RAPGEF4: variants seen among roughly 807,000 people sequenced by gnomAD.
RAPGEF4 encodes Rap guanine nucleotide exchange factor 4.
RAPGEF4 carries 66 observed loss-of-function variants against 147.9 expected under a neutral mutation model. The ratio of observed to expected loss-of-function variants is 0.45; its 90% confidence interval spans 0.37 to 0.55. The LOEUF (loss-of-function observed/expected upper bound fraction) is 0.55. Ranked by LOEUF, RAPGEF4 falls within the 20% of genes least tolerant of loss-of-function variation. The pLI is 0.00. For synonymous variants in RAPGEF4, 419 were observed against 442.7 expected (o/e 0.95, Z 0.67); for missense variants, 1,071 against 1,257.3 (o/e 0.85, Z 2.24).
At chr2:173,005,520 G>GT (rs573596077) in intron 17 of RAPGEF4, among the ~76,000 whole-genome samples, 25,367 of 85,892 alleles carry the variant, frequency 0.3, 5,298 homozygotes, top group East Asian at 0.71. Context: ...GTTGTTTTGT[G>GT]TTTTTTTTTT....
chr2:172,750,614 A>T (rs1438705689), intron 1 of RAPGEF4, among the ~76,000 whole-genome samples: 1 of 152,116 alleles, frequency 6.6e-6, no homozygotes, highest in Non-Finnish European at 1.5e-5. Context: ...CAGTGCACAG[A>T]GGTTCCCTTT....
At chr2:173,006,413 G>GT (rs894143475) in intron 17 of RAPGEF4, among the ~76,000 whole-genome samples, 44 of 152,026 alleles carry the variant, frequency 2.9e-4, no homozygotes, top group African/African-American at 5.5e-4. Context: ...ATTTTGGACA[G>GT]TTTTTTTTGT....
At chr2:172,878,405 T>A (rs974540853) in intron 4 of RAPGEF4, among the ~76,000 whole-genome samples, 1 of 152,206 alleles carries the variant, frequency 6.6e-6, no homozygotes, top group Non-Finnish European at 1.5e-5. Flanking sequence ...CAGTCTTATT[T>A]CTAGGAGAGT....
chr2:173,003,687 G>A (rs1466045838), intron 17 of RAPGEF4, among the ~76,000 whole-genome samples: 1 of 119,108 alleles, frequency 8.4e-6, no homozygotes, highest in African/African-American at 3.2e-5. Flanking sequence ...TCCAAACCTG[G>A]AGTTTGCCTT....
chr2:172,821,305 C>T (rs2149629186), intron 4 of RAPGEF4, among the ~76,000 whole-genome samples: 1 of 152,274 alleles, frequency 6.6e-6, no homozygotes, highest in Non-Finnish European at 1.5e-5. Flanking sequence ...AGCCCCTTGC[C>T]TGCCTGATAA....
intron 4 of RAPGEF4, among the ~76,000 whole-genome samples, chr2:172,832,264 C>T (rs1690443709): frequency 6.6e-6 from 1 of 151,950 alleles, no homozygotes; most frequent in Non-Finnish European, 1.5e-5. Context: ...TAGCATAAAG[C>T]TCATAAAGTA....
At chr2:173,045,135 A>C (rs575778337) in intron 29 of RAPGEF4, among the ~76,000 whole-genome samples, 1 of 152,372 alleles carries the variant, frequency 6.6e-6, no homozygotes, top group South Asian at 2.1e-4. Context: ...CATAGGCTGA[A>C]GTTTGTGGAA....
intron 23 of RAPGEF4, among the ~76,000 whole-genome samples, chr2:173,024,506 C>T (rs991756019): frequency 2.1e-5 from 3 of 140,492 alleles, no homozygotes; most frequent in African/African-American, 4.9e-5. Context: ...CGTGAGCCAC[C>T]GCGCCCGGCC....
At chr2:172,897,526 G>T (rs1698606403) in intron 4 of RAPGEF4, among the ~76,000 whole-genome samples, 1 of 151,966 alleles carries the variant, frequency 6.6e-6, no homozygotes. Context: ...ATCCTCCCAA[G>T]TAGCTAGGAC....
At chr2:172,784,114 T>G (rs2149517642) in intron 1 of RAPGEF4, among the ~76,000 whole-genome samples, 1 of 152,342 alleles carries the variant, frequency 6.6e-6, no homozygotes, top group Middle Eastern at 3.4e-3. Context: ...TACGTATCTC[T>G]GTATCTCTCT....
chr2:172,991,158 A>G (rs184528522), intron 15 of RAPGEF4, among the ~76,000 whole-genome samples: 8 of 152,320 alleles, frequency 5.3e-5, no homozygotes, highest in Admixed American at 3.9e-4. Flanking sequence ...CCTTTACTCT[A>G]AAAACCACTC....
chr2:173,004,061 A>AG (rs1315823291), intron 17 of RAPGEF4, among the ~76,000 whole-genome samples: 2 of 152,226 alleles, frequency 1.3e-5, no homozygotes, highest in South Asian at 2.1e-4. Flanking sequence ...AATAATGAAA[A>AG]CTTATGAATT....
chr2:173,032,960 C>T (rs990757630), intron 26 of RAPGEF4, among the ~76,000 whole-genome samples: 2 of 152,172 alleles, frequency 1.3e-5, no homozygotes, highest in Non-Finnish European at 2.9e-5. Context: ...GGAAACGTAT[C>T]ACACAGCTCT....
intron 5 of RAPGEF4, chr2:172,918,085 T>TGCTCTGGTGCCA (rs111233723): frequency 0.016 from 11,756 of 719,538 alleles, 624 homozygotes; most frequent in South Asian, 0.11. Flanking sequence ...GAGAGAGGTA[T>TGCTCTGGTGCCA]GCTCTGGTGC....
At chr2:172,834,786 A>G (rs1690742904) in intron 4 of RAPGEF4, among the ~76,000 whole-genome samples, 1 of 152,220 alleles carries the variant, frequency 6.6e-6, no homozygotes. Context: ...ATAAAGGGAA[A>G]TCTCTTTTCT....
chr2:172,975,904 T>A (rs995797131), intron 10 of RAPGEF4, among the ~76,000 whole-genome samples: 5 of 152,260 alleles, frequency 3.3e-5, no homozygotes, highest in African/African-American at 1.2e-4. Flanking sequence ...TGAGTGTCCT[T>A]GTAGTAAACA....
At chr2:172,958,357 G>T (rs776436043) in intron 6 of RAPGEF4, among the ~76,000 whole-genome samples, 1 of 152,180 alleles carries the variant, frequency 6.6e-6, no homozygotes, top group Non-Finnish European at 1.5e-5. Flanking sequence ...GAGGTGAGAG[G>T]CTTAAGAACC....
At chr2:172,849,443 G>A (rs1263799388) in intron 4 of RAPGEF4, among the ~76,000 whole-genome samples, 1 of 152,160 alleles carries the variant, frequency 6.6e-6, no homozygotes, top group Non-Finnish European at 1.5e-5. Context: ...TTTTCTCAGG[G>A]ATTGTTTGTA....
At chr2:172,850,806 A>C (rs1395870404) in intron 4 of RAPGEF4, among the ~76,000 whole-genome samples, 1 of 152,170 alleles carries the variant, frequency 6.6e-6, no homozygotes, top group East Asian at 1.9e-4. Flanking sequence ...TTGCTTTAAA[A>C]ATTGAATTAT....
Sources: gnomAD v4.1 joint callset for allele counts (sites outside exome capture counted in the v4.1 genomes callset) on GRCh38, gnomAD v4.1.1 for gene constraint, MANE v1.5 for transcripts, NCBI Gene and HGNC (gene_info 2026-07-23, HGNC 2026-07-21) for gene names.